Variants in TUBGCP3 observed in about 807,000 individuals in gnomAD.
The protein encoded by TUBGCP3 is tubulin gamma complex component 3.
A neutral mutation model predicts 123.1 loss-of-function variants in TUBGCP3; 50 were observed. The ratio of observed to expected loss-of-function variants is 0.41; its 90% confidence interval spans 0.32 to 0.51. The LOEUF (loss-of-function observed/expected upper bound fraction) is 0.51, where lower values mean the gene tolerates loss of function less well. Ranked by LOEUF, TUBGCP3 falls within the 20% of genes least tolerant of loss-of-function variation. The pLI, the probability that TUBGCP3 is intolerant of heterozygous loss-of-function variation, is 0.36. For missense variants in TUBGCP3, 882 were observed against 1,127.0 expected, an observed-to-expected ratio of 0.78 and a Z score of 3.11; for synonymous variants, 405 against 413.9, an observed-to-expected ratio of 0.98 and a Z score of 0.26.
Position 112,545,988 on chromosome 13 carries a change from G to A in TUBGCP3, c.1169-123C>T, listed in dbSNP as rs1878957115. 6 of 1,089,896 alleles carry A rather than the reference G, an allele frequency of 5.5e-6. No homozygotes were observed. In the African/African-American group the frequency reaches 6.2e-5, roughly 11 times the overall value. 67.5% of individuals were successfully genotyped at this position (1,089,896 alleles called of 1,614,324 possible). A position where few individuals can be genotyped will look rare whatever the true frequency, so the allele number is the denominator to read the frequency against. ...GATAAAGAGCATTTGTTTTCTTACA[G>A]TTAATACCACTTTGGACCTAGAAGC... On this transcript the variant is annotated intron_variant, in intron 10 of 21. Transcript: ENST00000261965. The surrounding 1 kb of genome is among the most constrained non-coding windows in gnomAD (Gnocchi z 4.1).
At chr13:112,583,870 G>A (rs977946095) in intron 1 of TUBGCP3, among the ~76,000 whole-genome samples, 6 of 152,160 alleles carry the variant, frequency 3.9e-5, no homozygotes, top group Non-Finnish European at 5.9e-5. Context: ...AGCCACCCTT[G>A]ACTCCAGATG....
At position 112,497,521 on chromosome 13, in the gene TUBGCP3, A is replaced by G. The variant is rs180674171; in HGVS notation, c.2448+1524T>C. 5.9e-5 allele frequency among the ~76,000 whole-genome samples: 9 copies of G among 152,384 alleles called. No individual in the cohort carries two copies. In the East Asian group the frequency reaches 1.3e-3, roughly 23 times the overall value. ...ACAATACTCAAAAGTAAAACTAACC[A>G]AACTGTATTGACTGAATAATGTCTT... On this transcript the variant is annotated intron_variant, in intron 20 of 21. Transcript: ENST00000261965.
chr13:112,519,144 A>G lies in TUBGCP3; in HGVS notation c.1882-101T>C. ...CAGTAAAATAATGCCCAATTGTTAA[A>G]AACTGCTCAACAGTTCTGAGTGCAT... On this transcript the variant is annotated intron_variant, in intron 15 of 21. Coordinates refer to ENST00000261965, the MANE Select transcript of TUBGCP3 (RefSeq NM_006322.6). This position sits in a 1 kb window ranked among gnomAD's most constrained non-coding sequence, Gnocchi z 6.2. 1 of 922,708 alleles carries G rather than the reference A, an allele frequency of 1.1e-6. No homozygotes were observed. The highest frequency in any genetic ancestry group is 1.9e-5 in the Admixed American group (1 of 51,834). The allele number at this position is 922,708 out of a possible 1,614,324, so 57.2% of individuals were successfully genotyped here. A position where few individuals can be genotyped will look rare whatever the true frequency, so the allele number is the denominator to read the frequency against.
At chr13:112,504,244 A>G (rs376767074) in intron 18 of TUBGCP3, 81 bp from the exon 19 acceptor site, 2 of 1,550,074 alleles carry the variant, frequency 1.3e-6, no homozygotes, top group East Asian at 2.3e-5. Flanking sequence ...TATACCACCT[A>G]TGGGAGGCCG....
chr13:112,553,099 C>T (rs1263088123), intron 8 of TUBGCP3, among the ~76,000 whole-genome samples: 1 of 152,042 alleles, frequency 6.6e-6, no homozygotes, highest in African/African-American at 2.4e-5. Context: ...CATGCTCCTC[C>T]CCACCAGCCA....
chr13:112,556,204 C>T lies in TUBGCP3; in HGVS notation c.569G>A (p.Gly190Glu), dbSNP rs1452383532. 3.7e-6 allele frequency: 6 copies of T among 1,613,888 alleles called. No individual in the cohort carries two copies. The highest frequency in any genetic ancestry group is 3.3e-5 in the Admixed American group (2 of 60,004). The change falls in exon 6 of 22, where the codon GGA (glycine) becomes GAA (glutamate). Residue 190 changes from glycine to glutamate, a missense_variant. Coordinates refer to ENST00000261965, the MANE Select transcript of TUBGCP3 (RefSeq NM_006322.6). ...CTGCTGTCGAAGGCAATCTCCTACT[C>T]CTGGAGCTTGATTAGACTGTCTAAA... ...LLPGQSNQAP[G>E]VGDCLRQQLG...
Position 112,519,126 on chromosome 13 carries a change from A to G in TUBGCP3, c.1882-83T>C, listed in dbSNP as rs1199618528. 8 of 1,099,284 alleles carry G rather than the reference A, an allele frequency of 7.3e-6. No individual in the cohort carries two copies. The African/African-American group carries it at 1.2e-4, about 17-fold the overall frequency. The allele number at this position is 1,099,284 out of a possible 1,614,324, so 68.1% of individuals were successfully genotyped here. A position where few individuals can be genotyped will look rare whatever the true frequency, so the allele number is the denominator to read the frequency against. On this transcript the variant is annotated intron_variant, in intron 15 of 21. Transcript: ENST00000261965. This position sits in a 1 kb window ranked among gnomAD's most constrained non-coding sequence, Gnocchi z 6.2. ...GTTAACGCAAAGAAAAAGCAGTAAAATAATGCCCAATTGTTAAAAACTGCT... is the reference window on the plus strand; with the variant it reads ...GTTAACGCAAAGAAAAAGCAGTAAAGTAATGCCCAATTGTTAAAAACTGCT...
chr13:112,590,720 G>A (rs1882868797), upstream of TUBGCP3, among the ~76,000 whole-genome samples: 2 of 152,146 alleles, frequency 1.3e-5, no homozygotes, highest in South Asian at 4.1e-4. Context: ...TGCAAAATCT[G>A]GCCCATTTTC....
intron 11 of TUBGCP3, among the ~76,000 whole-genome samples, chr13:112,541,481 A>C (rs1306084156): frequency 6.6e-6 from 1 of 151,084 alleles, no homozygotes; most frequent in Non-Finnish European, 1.5e-5. Flanking sequence ...GGCAGAAGTT[A>C]CAGTGCACCA....
At chr13:112,529,056 T>C (rs1361693738) in intron 11 of TUBGCP3, among the ~76,000 whole-genome samples, 2 of 152,164 alleles carry the variant, frequency 1.3e-5, no homozygotes, top group Non-Finnish European at 2.9e-5. Context: ...TTTCACCATG[T>C]TGCCCAGGCT....
chr13:112,569,084 T>A, intron 2 of TUBGCP3, 68 bp downstream of exon 2: 1 of 1,460,138 alleles, frequency 6.8e-7, no homozygotes, highest in South Asian at 1.2e-5. Context: ...CACACATGCA[T>A]ACATACATCT....
intron 1 of TUBGCP3, among the ~76,000 whole-genome samples, chr13:112,584,730 C>T (rs1882495410): frequency 6.6e-6 from 1 of 152,174 alleles, no homozygotes; most frequent in African/African-American, 2.4e-5. Flanking sequence ...GTATTCTTTA[C>T]CTCATAGTTA....
At chr13:112,512,436 A>AG (rs1214657883) in intron 17 of TUBGCP3, among the ~76,000 whole-genome samples, 1 of 146,984 alleles carries the variant, frequency 6.8e-6, no homozygotes, top group Non-Finnish European at 1.5e-5. Context: ...TCAAAAAAAA[A>AG]AAAAAAAAAA....
intron 1 of TUBGCP3, among the ~76,000 whole-genome samples, chr13:112,579,711 C>T (rs527704850): frequency 3.3e-5 from 5 of 152,180 alleles, no homozygotes; most frequent in Non-Finnish European, 7.3e-5. Context: ...CCATGGCATC[C>T]CTGGAGCTCT....
chr13:112,522,614 T>C, intron 13 of TUBGCP3, 105 bp from the exon 14 acceptor site: 1 of 1,140,474 alleles, frequency 8.8e-7, no homozygotes, highest in Non-Finnish European at 1.3e-6. Flanking sequence ...CCACTGCCTG[T>C]GGCATCAGTA....
At position 112,508,379 on chromosome 13, in the gene TUBGCP3, A is replaced by G. The variant is rs1881443115; in HGVS notation, c.2087-3665T>C. On this transcript the variant is annotated intron_variant, in intron 17 of 21. Coordinates refer to ENST00000261965, the MANE Select transcript of TUBGCP3 (RefSeq NM_006322.6). This position sits in a 1 kb window ranked among gnomAD's most constrained non-coding sequence, Gnocchi z 4.2. ...GAAGTTTTGACTTTGATTTTGCCCA[A>G]CTCTTCTGTAGTATATCTTTAAATT... 6.6e-6 allele frequency among the ~76,000 whole-genome samples: 1 copy of G among 152,000 alleles called. No individual in the cohort carries two copies. Among genetic ancestry groups the G allele is most frequent in the South Asian group, 2.1e-4 (1 of 4,814 alleles).
chr13:112,490,771 G>A (rs1233055601), intron 20 of TUBGCP3, among the ~76,000 whole-genome samples: 1 of 152,084 alleles, frequency 6.6e-6, no homozygotes, highest in Non-Finnish European at 1.5e-5. Context: ...ACACAATTTA[G>A]AAACTTGGAA....
rs576673122 is a variant in TUBGCP3, at chr13:112,558,166, G to A, written c.548+30C>T. 3 of 1,581,496 alleles carry A rather than the reference G, an allele frequency of 1.9e-6. No homozygotes were observed. The South Asian group carries it at 3.4e-5, about 18-fold the overall frequency. ...CAGGCGTCTCTGTTTCTAACACATA[G>A]AGAATCTATACACGTCAGTGTGGCC... On this transcript the variant is annotated intron_variant, in intron 5 of 21. Coordinates refer to ENST00000261965, the MANE Select transcript of TUBGCP3 (RefSeq NM_006322.6).
chr13:112,555,945 A>G, intron 6 of TUBGCP3, 107 bp downstream of exon 6: 1 of 1,270,038 alleles, frequency 7.9e-7, no homozygotes, highest in Non-Finnish European at 1.1e-6. Flanking sequence ...ACAAGAAGAA[A>G]CCACTAAAAG....
Sources: allele counts gnomAD v4.1 joint callset (sites outside exome capture counted in the v4.1 genomes callset), GRCh38; gene constraint gnomAD v4.1.1; non-coding constraint Gnocchi (gnomAD v3.1); transcripts MANE v1.5; gene names NCBI Gene and HGNC (gene_info 2026-07-23, HGNC 2026-07-21).